Variants in TMEM232 observed in about 807,000 individuals in gnomAD.
The protein encoded by TMEM232 is transmembrane protein 232.
Under a neutral mutation model 78.8 loss-of-function variants are expected in TMEM232, and 80 were observed. That is an observed-to-expected ratio of 1.01 (90% CI 0.85 to 1.22). TMEM232 has a LOEUF of 1.22. Among genes scored for constraint, TMEM232 ranks in the 50% most tolerant of loss-of-function variants. The pLI is 0.00. For synonymous variants in TMEM232, 297 were observed against 254.3 expected (o/e 1.17, Z -1.60); for missense variants, 881 against 742.2 (o/e 1.19, Z -2.17).
chr5:110,435,486 A>G (rs770259372), intron 12 of TMEM232, among the ~76,000 whole-genome samples: 16 of 151,472 alleles, frequency 1.1e-4, no homozygotes, highest in Admixed American at 8.6e-4. Flanking sequence ...AACAATTCAA[A>G]TATGTAGAAT....
intron 12 of TMEM232, among the ~76,000 whole-genome samples, chr5:110,485,880 A>C (rs1246771861): frequency 6.6e-6 from 1 of 152,118 alleles, no homozygotes; most frequent in Non-Finnish European, 1.5e-5. Context: ...TTAGTTCTTT[A>C]AGGAATCTCC....
rs1420852133 is a variant in TMEM232 at position 110,568,482 on chromosome 5, C to G, written c.1420G>C (p.Asp474His). The G allele has an allele frequency of 2.6e-6, 4 of 1,548,104 alleles. No homozygotes were observed. Among genetic ancestry groups the G allele is most frequent in the Non-Finnish European group, 3.5e-6 (4 of 1,145,192 alleles). Residue 474 changes from aspartate to histidine, a missense_variant, in exon 11 of 14, where the codon GAT (aspartate) becomes CAT (histidine). Physicochemically the swap from Asp to His is moderately conservative, Grantham distance 81. Coordinates refer to ENST00000455884, the MANE Select transcript of TMEM232 (RefSeq NM_001039763.4). ...TLQKTKDYEE[D>H]VRIQNAINIA... ...TTGATTGCATTTTGGATTCGTACAT[C>G]TTCCTCATAATCCTTTGTTTTCTGC...
intron 2 of TMEM232, among the ~76,000 whole-genome samples, chr5:110,407,946 C>A (rs551722532): frequency 6.6e-6 from 1 of 152,064 alleles, no homozygotes; most frequent in East Asian, 1.9e-4. Context: ...AAATACACAA[C>A]CTTGGAAATT....
At chr5:110,581,951 A>G (rs1315307638) in intron 10 of TMEM232, among the ~76,000 whole-genome samples, 3 of 152,040 alleles carry the variant, frequency 2.0e-5, no homozygotes, top group African/African-American at 7.2e-5. Flanking sequence ...TTAAAACTAC[A>G]ATGAGATACC....
At chr5:110,423,780 C>CGTGTGTGTGTGTGTGT (rs146104536) in intron 13 of TMEM232, among the ~76,000 whole-genome samples, 1 of 142,388 alleles carries the variant, frequency 7.0e-6, no homozygotes, top group Admixed American at 7.0e-5. Context: ...TTTATGCGTG[C>CGTGTGTGTGTGTGTGT]GTGTGTGTGT....
chr5:110,677,986 T>C (rs1312785367), intron 1 of TMEM232, among the ~76,000 whole-genome samples: 1 of 152,186 alleles, frequency 6.6e-6, no homozygotes, highest in Non-Finnish European at 1.5e-5. Flanking sequence ...ACTGGTCACA[T>C]TAAAAATTTT....
At chr5:110,423,584 A>G (rs1255890580) in intron 13 of TMEM232, among the ~76,000 whole-genome samples, 1 of 152,202 alleles carries the variant, frequency 6.6e-6, no homozygotes, top group African/African-American at 2.4e-5. Flanking sequence ...CATATTTTTG[A>G]AAAAGATTTA....
intron 5 of TMEM232, chr5:110,387,730 T>A (rs1755040032): frequency 6.6e-6 from 1 of 152,150 alleles, no homozygotes; most frequent in Non-Finnish European, 1.5e-5. Context: ...TAGATGTTTT[T>A]AAAAAAAATT....
chr5:110,542,416 C>T (rs1436318815), intron 11 of TMEM232, among the ~76,000 whole-genome samples: 2 of 152,088 alleles, frequency 1.3e-5, no homozygotes. Context: ...TTCCTCTCAC[C>T]TAGAGACCAT....
chr5:110,722,786 C>T (rs563658845), intron 1 of TMEM232, among the ~76,000 whole-genome samples: 27 of 152,308 alleles, frequency 1.8e-4, no homozygotes, highest in Non-Finnish European at 2.5e-4. Context: ...CTGGCTACCA[C>T]AGCCATAGTA....
chr5:110,615,536 G>A (rs964303487), intron 8 of TMEM232, among the ~76,000 whole-genome samples: 4 of 151,722 alleles, frequency 2.6e-5, no homozygotes, highest in African/African-American at 9.7e-5. Context: ...TATCCTCAAT[G>A]GTGAAAAGTT....
At chr5:110,428,419 AAC>A (rs1757478065) in intron 12 of TMEM232, among the ~76,000 whole-genome samples, 1 of 151,774 alleles carries the variant, frequency 6.6e-6, no homozygotes, top group Admixed American at 6.6e-5. Flanking sequence ...GTAGTTTTAT[AAC>A]ACAGGAATTT....
At chr5:110,608,529 T>A (rs1211820904) in intron 8 of TMEM232, among the ~76,000 whole-genome samples, 2 of 152,014 alleles carry the variant, frequency 1.3e-5, no homozygotes, top group Non-Finnish European at 2.9e-5. Context: ...TCAGAAGGTT[T>A]TGATTCTTCT....
At chr5:110,602,133 A>G (rs1434570616) in intron 10 of TMEM232, among the ~76,000 whole-genome samples, 1 of 152,222 alleles carries the variant, frequency 6.6e-6, no homozygotes, top group Non-Finnish European at 1.5e-5. Flanking sequence ...TAAACCTTAT[A>G]CAAAAATTAA....
At chr5:110,562,166 T>G (rs944963873) in intron 11 of TMEM232, among the ~76,000 whole-genome samples, 4 of 152,122 alleles carry the variant, frequency 2.6e-5, no homozygotes, top group African/African-American at 9.7e-5. Flanking sequence ...TAAATTCAAT[T>G]AGAACCAACA....
At chr5:110,530,774 T>A (rs1445026692) in intron 11 of TMEM232, among the ~76,000 whole-genome samples, 2 of 152,144 alleles carry the variant, frequency 1.3e-5, no homozygotes, top group Admixed American at 6.5e-5. Flanking sequence ...AAGAAATAAA[T>A]TCAAGAGCTC....
intron 12 of TMEM232, among the ~76,000 whole-genome samples, chr5:110,460,665 T>A (rs1025715579): frequency 2.8e-5 from 4 of 143,132 alleles, no homozygotes; most frequent in Non-Finnish European, 5.9e-5. Flanking sequence ...AGATATTGCA[T>A]TTTTCTTTTT....
chr5:110,449,522 CT>C (rs112373624), intron 12 of TMEM232, among the ~76,000 whole-genome samples: 121 of 147,108 alleles, frequency 8.2e-4, no homozygotes, highest in South Asian at 4.9e-3. Context: ...TTTGCTGAGA[CT>C]TTTTTTTTTT....
chr5:110,575,704 T>A (rs1050569686), intron 10 of TMEM232, among the ~76,000 whole-genome samples: 1 of 151,922 alleles, frequency 6.6e-6, no homozygotes, highest in African/African-American at 2.4e-5. Context: ...GGGAGCAACA[T>A]GGAGCCAAGC....
Sources: allele counts gnomAD v4.1 joint callset (sites outside exome capture counted in the v4.1 genomes callset), GRCh38; gene constraint gnomAD v4.1.1; transcripts MANE v1.5; gene names NCBI Gene and HGNC (gene_info 2026-07-23, HGNC 2026-07-21).